Variants in IL1RAPL1 observed in about 807,000 individuals in gnomAD.
The protein encoded by IL1RAPL1 is interleukin-1 receptor accessory protein-like 1.
IL1RAPL1 carries 3 observed loss-of-function variants against 48.4 expected under a neutral mutation model. That is an observed-to-expected ratio of 0.06 (90% CI 0.03 to 0.16). The LOEUF is 0.16. Ranked by LOEUF, IL1RAPL1 falls within the 10% of genes least tolerant of loss-of-function variation. The pLI, the probability that IL1RAPL1 is intolerant of heterozygous loss-of-function variation, is 1.00. For missense variants in IL1RAPL1, 349 were observed against 530.6 expected (o/e 0.66, Z 3.36); for synonymous variants, 185 against 187.7 (o/e 0.99, Z 0.12).
chrX:28,812,041 C>T (rs754832643), intron 2 of IL1RAPL1, among the ~76,000 whole-genome samples: 14 of 110,469 alleles, frequency 1.3e-4, no homozygotes, highest in Non-Finnish European at 2.5e-4. Context: ...TGTTAGAAAC[C>T]GACCTTTGTG....
At chrX:29,475,528 A>G (rs749499824) in intron 5 of IL1RAPL1, among the ~76,000 whole-genome samples, 19 of 112,188 alleles carry the variant, frequency 1.7e-4, no homozygotes, top group Non-Finnish European at 1.9e-4. Context: ...TTCTTTTACT[A>G]TAATCCTCCT....
intron 6 of IL1RAPL1, among the ~76,000 whole-genome samples, chrX:29,762,349 T>G (rs1415583849): frequency 1.8e-5 from 2 of 111,681 alleles, no homozygotes; most frequent in Non-Finnish European, 3.8e-5. Context: ...GGAGAAAAAC[T>G]TATCAAAAAC....
chrX:28,777,969 A>G (rs1936377094), intron 1 of IL1RAPL1, among the ~76,000 whole-genome samples: 1 of 111,554 alleles, frequency 9.0e-6, no homozygotes, highest in Non-Finnish European at 1.9e-5. Context: ...AAGAAACAGT[A>G]TTATTGCTTG....
chrX:29,540,207 A>G (rs1228247236), intron 5 of IL1RAPL1, among the ~76,000 whole-genome samples: 1 of 110,970 alleles, frequency 9.0e-6, no homozygotes, highest in East Asian at 2.8e-4. Flanking sequence ...ATACATAGGA[A>G]CACATCTAAC....
intron 6 of IL1RAPL1, among the ~76,000 whole-genome samples, chrX:29,891,257 G>A (rs1321204292): frequency 1.8e-5 from 2 of 112,306 alleles, no homozygotes; most frequent in Non-Finnish European, 3.8e-5. Context: ...AATGATGCCA[G>A]CACCAGTAGA....
intron 6 of IL1RAPL1, among the ~76,000 whole-genome samples, chrX:29,760,706 G>T (rs1381603019): frequency 9.0e-6 from 1 of 111,406 alleles, no homozygotes; most frequent in African/African-American, 3.3e-5. Flanking sequence ...TCCTAGGTAA[G>T]TGAGAATTAG....
intron 1 of IL1RAPL1, among the ~76,000 whole-genome samples, chrX:28,780,363 G>GTGTGTGTGTGTGTGTGTGTC (rs56989010): frequency 1.1e-5 from 1 of 91,443 alleles, no homozygotes; most frequent in African/African-American, 4.1e-5. Flanking sequence ...GTGTGTGTGT[G>GTGTGTGTGTGTGTGTGTGTC]TGTCTGTCTG....
chrX:29,904,290 G>A lies in IL1RAPL1; in HGVS notation c.779-13174G>A, dbSNP rs147218415. Among the ~76,000 whole-genome samples, 507 of 111,703 alleles carry A rather than the reference G, an allele frequency of 4.5e-3. 3 individuals carry two copies. Among genetic ancestry groups the A allele is most frequent in the African/African-American group, 0.015 (476 of 30,774 alleles). ...AAATTAGAGACTGAAAGAAAAGAAC[G>A]ATAGTTGCTCTTGATAACAAGCTAA... On this transcript the variant is annotated intron_variant, in intron 6 of 10. Transcript: ENST00000378993.
At chrX:29,081,487 G>A (rs2147449083) in intron 2 of IL1RAPL1, among the ~76,000 whole-genome samples, 1 of 111,545 alleles carries the variant, frequency 9.0e-6, no homozygotes, top group African/African-American at 3.3e-5. Flanking sequence ...ACAGGCATGA[G>A]CCACCACGCC....
At chrX:28,710,517 C>G (rs1233906943) in intron 1 of IL1RAPL1, among the ~76,000 whole-genome samples, 1 of 108,921 alleles carries the variant, frequency 9.2e-6, no homozygotes, top group Non-Finnish European at 1.9e-5. Context: ...CAAAGAACAC[C>G]AAGAAAAATG....
intron 2 of IL1RAPL1, among the ~76,000 whole-genome samples, chrX:28,813,852 T>A (rs1017162876): frequency 1.8e-5 from 2 of 110,952 alleles, no homozygotes; most frequent in Admixed American, 9.6e-5. Flanking sequence ...TTAAATAAAC[T>A]AAAACTCCAG....
intron 5 of IL1RAPL1, among the ~76,000 whole-genome samples, chrX:29,603,130 G>T (rs999762162): frequency 9.1e-6 from 1 of 110,074 alleles, no homozygotes; most frequent in Admixed American, 9.7e-5. Context: ...GCTGGGTGTG[G>T]TGATGGGCGC....
At chrX:29,709,126 A>G (rs1352841438) in intron 6 of IL1RAPL1, among the ~76,000 whole-genome samples, 1 of 111,138 alleles carries the variant, frequency 9.0e-6, no homozygotes, top group Non-Finnish European at 1.9e-5. Context: ...TTAGCCTGTT[A>G]TTAGATGTAT....
At chrX:29,175,515 T>A (rs1048526073) in intron 2 of IL1RAPL1, among the ~76,000 whole-genome samples, 2 of 110,675 alleles carry the variant, frequency 1.8e-5, no homozygotes, top group African/African-American at 6.6e-5. Flanking sequence ...AAAATGAGAA[T>A]TGCGAGGATT....
rs112613600 is a variant in IL1RAPL1 at position 28,625,737 on chromosome X, C to CGTGTGTGTGTGTGTGTGTGT, written c.-25+37703_-25+37722dup. Among the ~76,000 whole-genome samples, 433 of 99,297 alleles carry CGTGTGTGTGTGTGTGTGTGT rather than the reference C, an allele frequency of 4.4e-3. 1 individual carries two copies. The highest frequency in any genetic ancestry group is 0.013 in the African/African-American group (355 of 27,101). The allele number at this position is 99,297 out of a possible 115,157, so 86.2% of individuals were successfully genotyped here. On this transcript the variant is annotated intron_variant, in intron 1 of 10. Transcript: ENST00000378993. ...GAACCCAAAGGAGCTAATCAAAATG[C>CGTGTGTGTGTGTGTGTGTGT]GTGTGTGTGTGTGTGTGTGTGTGTG...
At chrX:28,857,982 C>A (rs1388663559) in intron 2 of IL1RAPL1, among the ~76,000 whole-genome samples, 1 of 111,703 alleles carries the variant, frequency 9.0e-6, no homozygotes, top group Non-Finnish European at 1.9e-5. Flanking sequence ...GGGAGGAGGT[C>A]AAAATATCCA....
intron 2 of IL1RAPL1, among the ~76,000 whole-genome samples, chrX:29,097,595 A>G (rs959419704): frequency 5.4e-5 from 6 of 111,797 alleles, no homozygotes; most frequent in Admixed American, 3.8e-4. Context: ...TCAAATATGA[A>G]TATGTGTTGC....
At chrX:29,291,154 C>T in intron 3 of IL1RAPL1, among the ~76,000 whole-genome samples, 1 of 111,722 alleles carries the variant, frequency 9.0e-6, no homozygotes, top group East Asian at 2.8e-4. Context: ...TCCCTGAATA[C>T]AACTGCTCAG....
At chrX:29,635,497 A>G (rs1269452962) in intron 5 of IL1RAPL1, among the ~76,000 whole-genome samples, 2 of 111,768 alleles carry the variant, frequency 1.8e-5, no homozygotes, top group African/African-American at 6.5e-5. Context: ...ATAGATAGAA[A>G]TTTTCAGGCC....
Sources: allele counts gnomAD v4.1 joint callset (sites outside exome capture counted in the v4.1 genomes callset), GRCh38; gene constraint gnomAD v4.1.1; transcripts MANE v1.5; gene names NCBI Gene and HGNC (gene_info 2026-07-23, HGNC 2026-07-21).